Variants in MKLN1 observed in about 807,000 individuals in gnomAD.
MKLN1 encodes the protein muskelin 1, also known as muskelin.
MKLN1 carries 18 observed loss-of-function variants against 99.0 expected under a neutral mutation model. That is an observed-to-expected ratio of 0.18 (90% CI 0.13 to 0.27). MKLN1 has a LOEUF of 0.27. Ranked by LOEUF, MKLN1 falls within the 10% of genes least tolerant of loss-of-function variation. MKLN1 has a pLI of 1.00. For missense variants in MKLN1, 621 were observed against 875.9 expected, an observed-to-expected ratio of 0.71 and a Z score of 3.67; for synonymous variants, 288 against 293.2, an observed-to-expected ratio of 0.98 and a Z score of 0.18.
chr7:131,283,242 C>T (rs1478693339), intron 3 of MKLN1, among the ~76,000 whole-genome samples: 1 of 152,062 alleles, frequency 6.6e-6, no homozygotes, highest in Non-Finnish European at 1.5e-5. Context: ...ACTCATTATC[C>T]AGATTTAATA....
chr7:131,451,308 T>C (rs1306542641), intron 12 of MKLN1, among the ~76,000 whole-genome samples: 3 of 152,168 alleles, frequency 2.0e-5, no homozygotes, highest in African/African-American at 7.2e-5. Flanking sequence ...GGACTTAACA[T>C]ATAATTACTG....
At chr7:131,441,726 AC>A (rs1168442540) in intron 10 of MKLN1, among the ~76,000 whole-genome samples, 1 of 152,242 alleles carries the variant, frequency 6.6e-6, no homozygotes, top group Non-Finnish European at 1.5e-5. Flanking sequence ...AGAATAAACC[AC>A]ATCAAAATTA....
intron 3 of MKLN1, chr7:131,310,533 A>T (rs1195889889): frequency 6.6e-6 from 1 of 152,198 alleles, no homozygotes; most frequent in African/African-American, 2.4e-5. Context: ...ACAATGAGAG[A>T]TACACAGCGG....
At chr7:131,187,322 T>TC (rs1796466649) in intron 2 of MKLN1, among the ~76,000 whole-genome samples, 1 of 47,038 alleles carries the variant, frequency 2.1e-5, no homozygotes, top group African/African-American at 6.6e-5. Flanking sequence ...ACTTCATTTG[T>TC]CTTTTTTTTT....
chr7:131,331,285 A>G (rs1799066048), intron 1 of MKLN1, among the ~76,000 whole-genome samples: 1 of 152,196 alleles, frequency 6.6e-6, no homozygotes, highest in Non-Finnish European at 1.5e-5. Context: ...TTCTGACTTA[A>G]AAACTATTGC....
chr7:131,323,700 C>T (rs999737215), upstream of MKLN1: 2 of 152,090 alleles, frequency 1.3e-5, no homozygotes, highest in Non-Finnish European at 2.9e-5. Flanking sequence ...TCAAAAGTGA[C>T]CAAAGCCAGG....
chr7:131,423,740 A>G (rs1023738061), intron 8 of MKLN1, among the ~76,000 whole-genome samples: 3 of 152,174 alleles, frequency 2.0e-5, no homozygotes, highest in Admixed American at 6.5e-5. Context: ...TGCTATTACA[A>G]ATTTATTCAT....
At chr7:131,445,133 A>G (rs1415587966) in intron 11 of MKLN1, among the ~76,000 whole-genome samples, 1 of 152,158 alleles carries the variant, frequency 6.6e-6, no homozygotes, top group Non-Finnish European at 1.5e-5. Flanking sequence ...AGTATGTATT[A>G]AAATCATTAG....
At chr7:131,298,153 C>G (rs1798322461) in intron 3 of MKLN1, among the ~76,000 whole-genome samples, 1 of 152,052 alleles carries the variant, frequency 6.6e-6, no homozygotes, top group Non-Finnish European at 1.5e-5. Flanking sequence ...CGCCTGTAGT[C>G]CCAGATACTC....
chr7:131,183,284 G>A (rs1796401155), intron 2 of MKLN1, among the ~76,000 whole-genome samples: 1 of 152,160 alleles, frequency 6.6e-6, no homozygotes. Context: ...GGTAAGAGAG[G>A]TAATCTGAAA....
rs1420656833 is a variant in MKLN1 at position 131,428,990 on chromosome 7, T to C, written c.848-43T>C. 1.9e-6 allele frequency: 3 copies of C among 1,538,888 alleles called. No individual in the cohort carries two copies. In the South Asian group the frequency reaches 3.4e-5, roughly 17 times the overall value. On this transcript the variant is annotated intron_variant, in intron 8 of 17. Transcript: ENST00000352689. ...GGCTAGGTTTGGGTGCTTATGCTTA[T>C]TTTGTCCTTTTTTTTTTACACATAT...
At chr7:131,158,183 T>C (rs1795995971) in intron 2 of MKLN1, among the ~76,000 whole-genome samples, 1 of 152,304 alleles carries the variant, frequency 6.6e-6, no homozygotes, top group South Asian at 2.1e-4. Context: ...CTCAAGCCTG[T>C]AATCCCAGCA....
chr7:131,156,580 C>G (rs1369981401), intron 2 of MKLN1, among the ~76,000 whole-genome samples: 1 of 152,032 alleles, frequency 6.6e-6, no homozygotes, highest in Admixed American at 6.6e-5. Context: ...GGCCAAATCA[C>G]CTAACGCAAA....
intron 12 of MKLN1, among the ~76,000 whole-genome samples, chr7:131,461,313 C>T (rs1796509119): frequency 6.6e-6 from 1 of 150,976 alleles, no homozygotes. Flanking sequence ...ACATAGAACC[C>T]AGGGATATGG....
intron 1 of MKLN1, among the ~76,000 whole-genome samples, chr7:131,365,180 G>T (rs1262118160): frequency 2.0e-5 from 3 of 152,096 alleles, no homozygotes; most frequent in Non-Finnish European, 4.4e-5. Flanking sequence ...TCTCATTGTG[G>T]TTTTGATTTG....
chr7:131,201,963 AT>A (rs1796734117), intron 2 of MKLN1, among the ~76,000 whole-genome samples: 1 of 152,134 alleles, frequency 6.6e-6, no homozygotes, highest in Non-Finnish European at 1.5e-5. Flanking sequence ...AAATGTACTT[AT>A]GTATTCAAAA....
At chr7:131,280,585 T>G (rs1798036072) in intron 3 of MKLN1, among the ~76,000 whole-genome samples, 1 of 152,230 alleles carries the variant, frequency 6.6e-6, no homozygotes, top group Non-Finnish European at 1.5e-5. Flanking sequence ...ATAATGGCCA[T>G]TGGTATATAT....
At chr7:131,306,418 T>G (rs1354789337) in intron 3 of MKLN1, among the ~76,000 whole-genome samples, 1 of 152,180 alleles carries the variant, frequency 6.6e-6, no homozygotes, top group South Asian at 2.1e-4. Flanking sequence ...TCTGAGAGAC[T>G]TGTTGAATGG....
At chr7:131,239,618 C>G (rs1005267783) in intron 3 of MKLN1, among the ~76,000 whole-genome samples, 3 of 152,118 alleles carry the variant, frequency 2.0e-5, no homozygotes, top group Non-Finnish European at 4.4e-5. Context: ...ACACCCAGCC[C>G]TCATTTTTTA....
Sources: gnomAD v4.1 joint callset for allele counts (sites outside exome capture counted in the v4.1 genomes callset) on GRCh38, gnomAD v4.1.1 for gene constraint, MANE v1.5 for transcripts, NCBI Gene and HGNC (gene_info 2026-07-23, HGNC 2026-07-21) for gene names.